DPP10: variants seen among roughly 807,000 people sequenced by gnomAD.
DPP10 encodes dipeptidyl peptidase like 10.
In DPP10, 33 loss-of-function variants were observed where a neutral mutation model predicts 120.9. The observed-to-expected ratio is 0.27, with a 90% CI of 0.21 to 0.37. The LOEUF (loss-of-function observed/expected upper bound fraction) is 0.37, where lower values mean the gene tolerates loss of function less well. Ranked by LOEUF, DPP10 falls within the 10% of genes least tolerant of loss-of-function variation. The pLI is 1.00. For missense variants in DPP10, 816 were observed against 942.8 expected (o/e 0.87, Z 1.76); for synonymous variants, 337 against 326.1 (o/e 1.03, Z -0.36).
intron 1 of DPP10, among the ~76,000 whole-genome samples, chr2:114,450,727 TAAAA>T (rs535824596): frequency 7.5e-6 from 1 of 132,806 alleles, no homozygotes. Context: ...CTTCTGTAAG[TAAAA>T]AAAAAAAAAA....
chr2:115,123,821 T>C (rs1226537994), intron 1 of DPP10, among the ~76,000 whole-genome samples: 1 of 152,134 alleles, frequency 6.6e-6, no homozygotes, highest in East Asian at 1.9e-4. Flanking sequence ...ATTAATGTGT[T>C]AATAGACGTT....
intron 1 of DPP10, among the ~76,000 whole-genome samples, chr2:114,610,518 C>G (rs1299206058): frequency 6.6e-6 from 1 of 152,076 alleles, no homozygotes; most frequent in East Asian, 1.9e-4. Flanking sequence ...CAGTCCTGCT[C>G]TTCTTTGTAC....
intron 1 of DPP10, among the ~76,000 whole-genome samples, chr2:114,622,351 C>G (rs960409596): frequency 1.3e-5 from 2 of 151,706 alleles, no homozygotes; most frequent in Non-Finnish European, 2.9e-5. Context: ...TTGAATTAGG[C>G]CCTGTCCAAC....
intron 1 of DPP10, among the ~76,000 whole-genome samples, chr2:115,260,528 C>T (rs1423600754): frequency 6.6e-6 from 1 of 152,116 alleles, no homozygotes; most frequent in African/African-American, 2.4e-5. Flanking sequence ...AGCCCTCAAA[C>T]AAAGTAGATT....
chr2:114,872,767 T>G (rs77661945), intron 1 of DPP10, among the ~76,000 whole-genome samples: 5,830 of 152,252 alleles, frequency 0.038, 172 homozygotes, highest in Middle Eastern at 0.1. Flanking sequence ...CAAACATCAC[T>G]GGAGATCTTC....
intron 1 of DPP10, among the ~76,000 whole-genome samples, chr2:114,889,549 A>G (rs1436472741): frequency 6.6e-6 from 1 of 152,070 alleles, no homozygotes; most frequent in East Asian, 1.9e-4. Flanking sequence ...GAATGTACCA[A>G]CAACACTTTT....
intron 4 of DPP10, among the ~76,000 whole-genome samples, chr2:115,502,405 C>G (rs1316665888): frequency 1.3e-5 from 2 of 152,056 alleles, no homozygotes; most frequent in African/African-American, 4.8e-5. Flanking sequence ...AGTGGTTTAG[C>G]CTCAAAAATG....
At chr2:115,738,460 A>G (rs991292321) in intron 8 of DPP10, among the ~76,000 whole-genome samples, 2 of 152,180 alleles carry the variant, frequency 1.3e-5, no homozygotes, top group Non-Finnish European at 2.9e-5. Flanking sequence ...TGCTATAACT[A>G]GAGATGCTGT....
intron 1 of DPP10, among the ~76,000 whole-genome samples, chr2:114,808,978 T>C (rs1233265425): frequency 6.6e-6 from 1 of 152,222 alleles, no homozygotes; most frequent in Non-Finnish European, 1.5e-5. Flanking sequence ...CTAGAATTTA[T>C]AGTGTCTTGA....
intron 1 of DPP10, among the ~76,000 whole-genome samples, chr2:114,608,991 C>T (rs533518412): frequency 2.0e-5 from 3 of 151,806 alleles, no homozygotes; most frequent in Admixed American, 1.3e-4. Flanking sequence ...CACAGCATCA[C>T]GCAATATACT....
At chr2:115,570,954 A>G (rs1348857431) in intron 5 of DPP10, among the ~76,000 whole-genome samples, 1 of 152,172 alleles carries the variant, frequency 6.6e-6, no homozygotes, top group Non-Finnish European at 1.5e-5. Context: ...TGCCACCACC[A>G]CAGGACGGAG....
intron 1 of DPP10, among the ~76,000 whole-genome samples, chr2:114,694,481 A>T (rs1447157601): frequency 6.6e-6 from 1 of 151,996 alleles, no homozygotes; most frequent in Non-Finnish European, 1.5e-5. Flanking sequence ...CTCAGTGGGG[A>T]TAGTTTGCAG....
At chr2:115,587,876 T>C (rs905766193) in intron 5 of DPP10, among the ~76,000 whole-genome samples, 6 of 152,216 alleles carry the variant, frequency 3.9e-5, no homozygotes, top group African/African-American at 1.2e-4. Flanking sequence ...TAAGTTTTTA[T>C]CAGTGATAGA....
intron 1 of DPP10, among the ~76,000 whole-genome samples, chr2:114,842,152 G>A (rs909678660): frequency 6.6e-6 from 1 of 152,126 alleles, no homozygotes; most frequent in Non-Finnish European, 1.5e-5. Context: ...AATGGGGGCT[G>A]AGTTTCAGGG....
At chr2:115,450,862 TTA>T (rs2104965265) in intron 3 of DPP10, among the ~76,000 whole-genome samples, 1 of 152,058 alleles carries the variant, frequency 6.6e-6, no homozygotes, top group South Asian at 2.1e-4. Flanking sequence ...ATGTTAGATT[TTA>T]TTTGTTATGA....
intron 1 of DPP10, among the ~76,000 whole-genome samples, chr2:114,636,374 A>T (rs1178419685): frequency 6.6e-6 from 1 of 152,002 alleles, no homozygotes; most frequent in Non-Finnish European, 1.5e-5. Context: ...TCCTGCCTGC[A>T]GGCGAGTGGC....
intron 3 of DPP10, among the ~76,000 whole-genome samples, chr2:115,355,531 C>G (rs2064318731): frequency 6.6e-6 from 1 of 152,106 alleles, no homozygotes; most frequent in South Asian, 2.1e-4. Flanking sequence ...ATGATGGTTT[C>G]TTTTGCTGTG....
At chr2:114,934,623 CGTGT>C (rs144826118) in intron 1 of DPP10, among the ~76,000 whole-genome samples, 1 of 150,158 alleles carries the variant, frequency 6.7e-6, no homozygotes, top group East Asian at 2.0e-4. Flanking sequence ...ACTCTGTGTG[CGTGT>C]GTGTGTGTGT....
At chr2:114,880,126 G>C (rs1027282739) in intron 1 of DPP10, among the ~76,000 whole-genome samples, 1 of 152,176 alleles carries the variant, frequency 6.6e-6, no homozygotes, top group Non-Finnish European at 1.5e-5. Flanking sequence ...AATTGAGGCT[G>C]TGAAATTTGA....
Sources: allele counts gnomAD v4.1 joint callset (sites outside exome capture counted in the v4.1 genomes callset), GRCh38; gene constraint gnomAD v4.1.1; transcripts MANE v1.5; gene names NCBI Gene and HGNC (gene_info 2026-07-23, HGNC 2026-07-21).